RAB7A: variants seen among roughly 807,000 people sequenced by gnomAD.
The protein encoded by RAB7A is RAB7A, member RAS oncogene family.
Under a neutral mutation model 24.5 loss-of-function variants are expected in RAB7A, and 2 were observed. That is an observed-to-expected ratio of 0.08 (90% CI 0.03 to 0.26). The LOEUF is 0.26. Ranked by LOEUF, RAB7A falls within the 10% of genes least tolerant of loss-of-function variation. The probability of loss-of-function intolerance (pLI) is 1.00; values close to 1 mark genes in which losing one functional copy is unlikely to be tolerated. For missense variants in RAB7A, 118 were observed against 255.7 expected (o/e 0.46, Z 3.67); for synonymous variants, 100 against 95.9 (o/e 1.04, Z -0.25).
chr3:128,737,825 G>GTTTTTTTTTTTT (rs56027163), intron 1 of RAB7A, among the ~76,000 whole-genome samples: 3 of 59,492 alleles, frequency 5.0e-5, no homozygotes, highest in Non-Finnish European at 9.0e-5. Flanking sequence ...TTTTTTTGTA[G>GTTTTTTTTTTTT]TTTTTTTTTT....
At chr3:128,778,819 C>A (rs530693590) in intron 1 of RAB7A, among the ~76,000 whole-genome samples, 1 of 152,036 alleles carries the variant, frequency 6.6e-6, no homozygotes, top group Non-Finnish European at 1.5e-5. Flanking sequence ...GTTGAGAGAA[C>A]CAGAGATGTA....
intron 1 of RAB7A, among the ~76,000 whole-genome samples, chr3:128,746,615 G>A (rs571532387): frequency 8.6e-5 from 13 of 151,874 alleles, no homozygotes; most frequent in Admixed American, 7.9e-4. Context: ...TGCAAGCTCC[G>A]CCTCCCAGGT....
intron 1 of RAB7A, among the ~76,000 whole-genome samples, chr3:128,756,278 C>T (rs145690024): frequency 0.025 from 3,763 of 151,820 alleles, 66 homozygotes; most frequent in Non-Finnish European, 0.036. Flanking sequence ...AGGAGAATCG[C>T]TTGAACCCAG....
At chr3:128,766,078 T>C (rs1032213086) in intron 1 of RAB7A, among the ~76,000 whole-genome samples, 1 of 152,158 alleles carries the variant, frequency 6.6e-6, no homozygotes, top group African/African-American at 2.4e-5. Context: ...CACGTCTTAA[T>C]ACTGTCACTT....
At chr3:128,760,375 A>T (rs2070767902) in intron 1 of RAB7A, among the ~76,000 whole-genome samples, 1 of 152,170 alleles carries the variant, frequency 6.6e-6, no homozygotes, top group Non-Finnish European at 1.5e-5. Context: ...TCCTTGTAAT[A>T]ACTGTCTTTA....
chr3:128,812,017 G>GGC (rs1443025667), intron 5 of RAB7A, among the ~76,000 whole-genome samples: 1 of 152,130 alleles, frequency 6.6e-6, no homozygotes, highest in East Asian at 1.9e-4. Context: ...GGGTGGGAAG[G>GGC]AACTACTAAT....
At chr3:128,810,417 C>T (rs967568960) in intron 5 of RAB7A, among the ~76,000 whole-genome samples, 3 of 152,122 alleles carry the variant, frequency 2.0e-5, no homozygotes, top group East Asian at 3.9e-4. Flanking sequence ...GCTCAGGCTG[C>T]GTTAACAAAA....
chr3:128,813,611 A>ATG lies in RAB7A; in HGVS notation c.*189_*190insTG. 8 of 611,194 alleles carry ATG rather than the reference A, an allele frequency of 1.3e-5. No homozygotes were observed. Among genetic ancestry groups the ATG allele is most frequent in the Admixed American group, 9.0e-5 (4 of 44,592 alleles). 37.9% of individuals were successfully genotyped at this position (611,194 alleles called of 1,614,324 possible). A position where few individuals can be genotyped will look rare whatever the true frequency, so the allele number is the denominator to read the frequency against. On this transcript the variant is annotated 3_prime_UTR_variant, in exon 6 of 6. Coordinates refer to ENST00000265062, the MANE Select transcript of RAB7A (RefSeq NM_004637.6). ...CACACACACACACACACGCACACAC[A>ATG]CACACACAGATCTGACGTAATCAAA...
intron 1 of RAB7A, among the ~76,000 whole-genome samples, chr3:128,745,448 C>T (rs962187401): frequency 1.3e-5 from 2 of 152,198 alleles, no homozygotes; most frequent in African/African-American, 4.8e-5. Flanking sequence ...ACTGCAGCCT[C>T]TGCCTCCCTG....
At chr3:128,726,742 C>T (rs79217699) in intron 1 of RAB7A, among the ~76,000 whole-genome samples, 6,300 of 152,252 alleles carry the variant, frequency 0.041, 178 homozygotes, top group Non-Finnish European at 0.058. Context: ...CCCACGCCGC[C>T]CGCCGCCGTG....
intron 1 of RAB7A, among the ~76,000 whole-genome samples, chr3:128,781,968 G>C (rs1040371422): frequency 2.0e-5 from 3 of 151,972 alleles, no homozygotes; most frequent in African/African-American, 4.8e-5. Context: ...AGCCAAGATC[G>C]CGCCACTGCA....
At chr3:128,756,621 CAA>C (rs1050854562) in intron 1 of RAB7A, among the ~76,000 whole-genome samples, 3 of 152,108 alleles carry the variant, frequency 2.0e-5, no homozygotes, top group Non-Finnish European at 4.4e-5. Context: ...ACTAAAATCT[CAA>C]TGATGGTTTT....
intron 1 of RAB7A, among the ~76,000 whole-genome samples, chr3:128,737,822 GTA>G (rs1384699781): frequency 7.5e-5 from 4 of 53,214 alleles, no homozygotes; most frequent in Admixed American, 3.9e-4. Context: ...CTATTTTTTT[GTA>G]GTTTTTTTTT....
intron 1 of RAB7A, among the ~76,000 whole-genome samples, chr3:128,730,525 G>C (rs1212326934): frequency 6.6e-6 from 1 of 152,190 alleles, no homozygotes; most frequent in Non-Finnish European, 1.5e-5. Context: ...ACCATGCCCA[G>C]CCTAAAACTT....
At chr3:128,804,189 A>G (rs1301436814) in intron 3 of RAB7A, among the ~76,000 whole-genome samples, 1 of 149,184 alleles carries the variant, frequency 6.7e-6, no homozygotes, top group Non-Finnish European at 1.5e-5. Flanking sequence ...TTTTAATGCC[A>G]AAAGTCACAC....
chr3:128,756,161 C>G (rs992512729), intron 1 of RAB7A, among the ~76,000 whole-genome samples: 1 of 152,030 alleles, frequency 6.6e-6, no homozygotes, highest in African/African-American at 2.4e-5. Context: ...CATGGTGAAA[C>G]CCCGTCTCTA....
At position 128,755,959 on chromosome 3, in the gene RAB7A, TCTCACACATAAAACC is replaced by T. The variant is rs1370330742; in HGVS notation, c.-9+29603_-9+29617del. ...TTATATGTAGGGAACTGTAAAAATT[TCTCACACATAAAACC>T]CTTTTGGATCTGATAAACTCATTCA... is the stretch of plus-strand genomic sequence containing the variant. On this transcript the variant is annotated intron_variant, in intron 1 of 5. Transcript: ENST00000265062. Among the ~76,000 whole-genome samples the T allele has an allele frequency of 4.0e-5, 6 of 151,106 alleles. No homozygotes were observed. In the East Asian group the frequency reaches 9.8e-4, roughly 25 times the overall value.
At chr3:128,764,811 T>G in intron 1 of RAB7A, 1 of 918,634 alleles carries the variant, frequency 1.1e-6, no homozygotes, top group Non-Finnish European at 1.8e-6. Flanking sequence ...GCTTCATCAG[T>G]TTCTCGGCAT....
intron 1 of RAB7A, among the ~76,000 whole-genome samples, chr3:128,780,687 C>A (rs1003372434): frequency 2.6e-5 from 4 of 152,160 alleles, no homozygotes; most frequent in African/African-American, 7.2e-5. Flanking sequence ...AACACATGAT[C>A]AGATTTAAGT....
Sources: gnomAD v4.1 joint callset for allele counts (sites outside exome capture counted in the v4.1 genomes callset) on GRCh38, gnomAD v4.1.1 for gene constraint, MANE v1.5 for transcripts, NCBI Gene and HGNC (gene_info 2026-07-23, HGNC 2026-07-21) for gene names.